Variants in PRIMPOL observed in about 807,000 individuals in gnomAD.
The protein encoded by PRIMPOL is DNA-directed primase/polymerase protein.
PRIMPOL carries 54 observed loss-of-function variants against 63.6 expected under a neutral mutation model. That is an observed-to-expected ratio of 0.85 (90% CI 0.68 to 1.07). The LOEUF is 1.07. Among genes scored for constraint, PRIMPOL ranks in the 50% least tolerant of loss-of-function variants. The pLI is 0.00. For missense variants in PRIMPOL, 610 were observed against 648.3 expected, an observed-to-expected ratio of 0.94 and a Z score of 0.64; for synonymous variants, 197 against 220.2, an observed-to-expected ratio of 0.89 and a Z score of 0.93.
chr4:184,662,065 CTG>C (rs1423121696), intron 5 of PRIMPOL, among the ~76,000 whole-genome samples, 162 bp downstream of exon 5: 9 of 152,054 alleles, frequency 5.9e-5, no homozygotes, highest in African/African-American at 1.4e-4. Flanking sequence ...TATGAGTAAA[CTG>C]TGAAAAGGAA....
intron 5 of PRIMPOL, among the ~76,000 whole-genome samples, chr4:184,663,169 C>T (rs532902982): frequency 1.3e-4 from 19 of 151,804 alleles, no homozygotes; most frequent in Middle Eastern, 3.4e-3. Flanking sequence ...CTCAGCCTCC[C>T]GAGTAGCTGG....
intron 1 of PRIMPOL, among the ~76,000 whole-genome samples, chr4:184,651,588 A>G (rs1277317781): frequency 2.0e-5 from 3 of 152,184 alleles, no homozygotes; most frequent in African/African-American, 7.2e-5. Context: ...TTTCTTGCCA[A>G]ATTAGCAAGC....
At chr4:184,682,208 T>C (rs772502048) in intron 8 of PRIMPOL, 40 bp from the exon 9 acceptor site, 7 of 1,061,668 alleles carry the variant, frequency 6.6e-6, no homozygotes, top group East Asian at 2.4e-5. Flanking sequence ...TTAGTTCCAG[T>C]GTGATGGTGC....
intron 1 of PRIMPOL, among the ~76,000 whole-genome samples, chr4:184,650,518 G>A (rs954483613): frequency 8.5e-5 from 13 of 152,178 alleles, no homozygotes; most frequent in Admixed American, 6.5e-4. Flanking sequence ...TTAAAGTATA[G>A]TATGCTTGTT....
intron 11 of PRIMPOL, among the ~76,000 whole-genome samples, chr4:184,688,333 T>C (rs1223914976): frequency 1.3e-5 from 2 of 152,232 alleles, no homozygotes; most frequent in East Asian, 3.8e-4. Flanking sequence ...ACTTTAGTAT[T>C]GTTAGGATTA....
chr4:184,652,317 T>C (rs892567606), intron 2 of PRIMPOL, among the ~76,000 whole-genome samples: 9 of 151,894 alleles, frequency 5.9e-5, no homozygotes, highest in Non-Finnish European at 1.2e-4. Flanking sequence ...CTGTGAAAAG[T>C]GATGAAAATG....
chr4:184,657,520 C>T, intron 3 of PRIMPOL, 200 bp downstream of exon 3: 1 of 483,328 alleles, frequency 2.1e-6, no homozygotes. Flanking sequence ...AATCATTAAC[C>T]ATTTAATTTA....
intron 9 of PRIMPOL, among the ~76,000 whole-genome samples, chr4:184,682,854 A>C (rs1756002731): frequency 6.6e-6 from 1 of 151,734 alleles, no homozygotes; most frequent in African/African-American, 2.4e-5. Context: ...GTTAGAGACA[A>C]TCCTGAGCAA....
At chr4:184,676,312 C>CTCCCT (rs201732007) in intron 7 of PRIMPOL, among the ~76,000 whole-genome samples, 20,585 of 124,912 alleles carry the variant, frequency 0.16, 2,050 homozygotes, top group African/African-American at 0.2. Context: ...CTGCCTTCCC[C>CTCCCT]TCCCTTCCCT....
At chr4:184,674,982 A>G (rs916936946) in intron 7 of PRIMPOL, among the ~76,000 whole-genome samples, 14 of 152,206 alleles carry the variant, frequency 9.2e-5, no homozygotes, top group Admixed American at 2.6e-4. Flanking sequence ...ATATGGTCCC[A>G]TGGTGTTACT....
chr4:184,658,779 G>C (rs1430674948), intron 3 of PRIMPOL, among the ~76,000 whole-genome samples: 1 of 151,840 alleles, frequency 6.6e-6, no homozygotes, highest in African/African-American at 2.4e-5. Context: ...GTGGTGGTGG[G>C]CACCTGTAAT....
Position 184,694,494 on chromosome 4 carries a change from T to C in PRIMPOL, c.1426-28T>C, listed in dbSNP as rs776788748. On this transcript the variant is annotated intron_variant, in intron 13 of 13. Transcript: ENST00000314970. ...CTGAGTAAATATTTTCCTATCCCAC[T>C]CTCTATCCCTTCACCACTGAAATAA... 1.9e-6 allele frequency: 3 copies of C among 1,598,470 alleles called. No individual in the cohort carries two copies. The South Asian group carries it at 3.3e-5, about 18-fold the overall frequency.
At chr4:184,686,667 A>T (rs1376825818) in intron 11 of PRIMPOL, among the ~76,000 whole-genome samples, 1 of 152,132 alleles carries the variant, frequency 6.6e-6, no homozygotes, top group Non-Finnish European at 1.5e-5. Context: ...GCTGTTTTTT[A>T]TTTCATGTCA....
At chr4:184,668,859 TATC>T (rs1750791912) in intron 6 of PRIMPOL, among the ~76,000 whole-genome samples, 1 of 151,054 alleles carries the variant, frequency 6.6e-6, no homozygotes, top group African/African-American at 2.5e-5. Context: ...ATAATAAAAA[TATC>T]ATTATCAATA....
chr4:184,650,274 A>T (rs1743847758), intron 1 of PRIMPOL, among the ~76,000 whole-genome samples: 1 of 152,210 alleles, frequency 6.6e-6, no homozygotes, highest in East Asian at 1.9e-4. Context: ...GGAAAAAGAG[A>T]TGGGGCAAAG....
chr4:184,686,197 T>C (rs72703529), intron 11 of PRIMPOL, among the ~76,000 whole-genome samples: 19,908 of 152,300 alleles, frequency 0.13, 1,380 homozygotes, highest in Middle Eastern at 0.19. Context: ...GTCAGCTTTA[T>C]GTGTACTTTC....
Position 184,694,859 on chromosome 4 carries a change from CT to C in PRIMPOL, c.*81del. ...AGATTTGATAAATATATCATTCAAC[CT>C]GTTTATATAAACTAAGTTTTATTAC... is the stretch of plus-strand genomic sequence containing the variant. On this transcript the variant is annotated 3_prime_UTR_variant, in exon 14 of 14. Coordinates refer to ENST00000314970, the MANE Select transcript of PRIMPOL (RefSeq NM_152683.4). The C allele has an allele frequency of 8.2e-7, 1 of 1,212,686 alleles. No individual in the cohort carries two copies. Among genetic ancestry groups the C allele is most frequent in the South Asian group, 1.5e-5 (1 of 64,958 alleles). 75.1% of individuals were successfully genotyped at this position (1,212,686 alleles called of 1,614,324 possible).
chr4:184,674,358 C>A (rs1320332662), intron 7 of PRIMPOL, among the ~76,000 whole-genome samples: 1 of 152,168 alleles, frequency 6.6e-6, no homozygotes, highest in Admixed American at 6.5e-5. Context: ...AGAATGAACA[C>A]CCCTTGTCAC....
At chr4:184,694,454 G>A in intron 13 of PRIMPOL, 68 bp from the exon 14 acceptor site, 2 of 1,549,380 alleles carry the variant, frequency 1.3e-6, no homozygotes, top group Non-Finnish European at 1.7e-6. Flanking sequence ...AGAGTATAAG[G>A]TTAAATCACA....
Sources: gnomAD v4.1 joint callset for allele counts (sites outside exome capture counted in the v4.1 genomes callset) on GRCh38, gnomAD v4.1.1 for gene constraint, MANE v1.5 for transcripts, NCBI Gene and HGNC (gene_info 2026-07-23, HGNC 2026-07-21) for gene names.